The following TRIM5 variants were observed in gnomAD, a reference collection of about 807,000 sequenced individuals.
TRIM5 encodes the protein tripartite motif containing 5.
In TRIM5, 31 loss-of-function variants were observed where a neutral mutation model predicts 35.6. The observed-to-expected ratio is 0.87, with a 90% CI of 0.65 to 1.18. The LOEUF (loss-of-function observed/expected upper bound fraction) is 1.18, where lower values mean the gene tolerates loss of function less well. TRIM5 is among the 50% of genes most tolerant of loss of function. TRIM5 has a pLI of 0.00. For missense variants in TRIM5, 609 were observed against 591.6 expected (o/e 1.03, Z -0.31); for synonymous variants, 243 against 215.6 (o/e 1.13, Z -1.11).
At chr11:5,603,099 C>A in the TRIM5 span, 1 of 1,361,568 alleles carries the variant, frequency 7.3e-7, no homozygotes. Flanking sequence ...TTGTATGAGC[C>A]GGGATAAAGA....
chr11:5,601,527 G>A, the TRIM5 span, among the ~76,000 whole-genome samples: 1 of 152,122 alleles, frequency 6.6e-6, no homozygotes, highest in Non-Finnish European at 1.5e-5. Context: ...GGAGGCCAAG[G>A]CAGGCAGATC....
chr11:5,638,561 T>C, the TRIM5 span, among the ~76,000 whole-genome samples: 2 of 152,174 alleles, frequency 1.3e-5, no homozygotes, highest in Non-Finnish European at 2.9e-5. Context: ...GTGGTGATGA[T>C]GGGGGAATGC....
At chr11:5,603,550 C>A in the TRIM5 span, 1 of 1,614,010 alleles carries the variant, frequency 6.2e-7, no homozygotes, top group Non-Finnish European at 8.5e-7. Flanking sequence ...CATAGTGAGG[C>A]GGCTCAGAGA....
the TRIM5 span, chr11:5,634,756 G>C: frequency 6.2e-7 from 1 of 1,614,028 alleles, no homozygotes; most frequent in African/African-American, 1.3e-5. Context: ...CGCTGGATAA[G>C]TTTGCAGAGG....
At chr11:5,671,617 A>G (rs1390311843) in intron 4 of TRIM5, among the ~76,000 whole-genome samples, 1 of 152,128 alleles carries the variant, frequency 6.6e-6, no homozygotes, top group African/African-American at 2.4e-5. Context: ...CATCAATAAA[A>G]ATTTTCTGAT....
the TRIM5 span, among the ~76,000 whole-genome samples, chr11:5,602,741 G>A: frequency 3.3e-3 from 506 of 151,728 alleles, 2 homozygotes; most frequent in African/African-American, 0.012. Context: ...ATCACTTAAG[G>A]TCAGGAGTTC....
chr11:5,613,073 A>G, the TRIM5 span: 3 of 152,196 alleles, frequency 2.0e-5, no homozygotes, highest in African/African-American at 7.2e-5. Context: ...TCTGTCCCTA[A>G]GTGAGCCCTA....
chr11:5,648,540 A>G, the TRIM5 span, among the ~76,000 whole-genome samples: 3 of 152,042 alleles, frequency 2.0e-5, no homozygotes, highest in Non-Finnish European at 2.9e-5. Context: ...AAAATAAATA[A>G]CAGCTTCTCC....
chr11:5,608,416 G>C, the TRIM5 span: 1 of 1,613,258 alleles, frequency 6.2e-7, no homozygotes. Context: ...GAGAACATGA[G>C]GTAGTTCCCC....
chr11:5,665,621 G>A lies in TRIM5; in HGVS notation c.895+35C>T, dbSNP rs141301043. The A allele has an allele frequency of 8.4e-5, 133 of 1,576,768 alleles. No homozygotes were observed. The African/African-American group carries it at 1.2e-3, about 14-fold the overall frequency. On this transcript the variant is annotated intron_variant, in intron 7 of 7. Transcript: ENST00000380034. ...ATAAAGATAATAATAATGATAAGCCGCAGGGTGGCTTATGATAATGTGACT... is the reference window on the plus strand; with the variant it reads ...ATAAAGATAATAATAATGATAAGCCACAGGGTGGCTTATGATAATGTGACT...
At chr11:5,659,935 C>T (rs1324255791), downstream of TRIM5, among the ~76,000 whole-genome samples, 2 of 152,064 alleles carry the variant, frequency 1.3e-5, no homozygotes, top group East Asian at 1.9e-4. Flanking sequence ...CTCTTCTTTA[C>T]GGGTACTCTA....
chr11:5,605,048 T>C, the TRIM5 span: 3 of 488,670 alleles, frequency 6.1e-6, no homozygotes, highest in East Asian at 7.9e-5. Context: ...AAGAGGAGGC[T>C]GATGCAGAGG....
At chr11:5,611,412 ATCT>A in the TRIM5 span, 2 of 1,249,964 alleles carry the variant, frequency 1.6e-6, no homozygotes, top group Non-Finnish European at 2.3e-6. Flanking sequence ...CTCCCTTCTG[ATCT>A]TCTGTTTTTC....
At chr11:5,603,104 T>TA in the TRIM5 span, 1 of 1,392,384 alleles carries the variant, frequency 7.2e-7, no homozygotes, top group Admixed American at 2.7e-5. Context: ...TGAGCCGGGA[T>TA]AAAGAACGTA....
At chr11:5,610,800 A>G in the TRIM5 span, 8 of 1,614,132 alleles carry the variant, frequency 5.0e-6, no homozygotes, top group Middle Eastern at 1.6e-4. Flanking sequence ...GAATCCACAC[A>G]CAGCTAATTT....
chr11:5,638,369 G>A, the TRIM5 span, among the ~76,000 whole-genome samples: 1 of 152,210 alleles, frequency 6.6e-6, no homozygotes, highest in Admixed American at 6.5e-5. Context: ...TGTGACTAAA[G>A]TAATACCTCT....
the TRIM5 span, chr11:5,632,112 G>A: frequency 2.5e-6 from 3 of 1,193,052 alleles, no homozygotes; most frequent in Admixed American, 2.9e-5. Context: ...AGCTCGCCCA[G>A]ACCACTTTCA....
At chr11:5,605,232 G>T in the TRIM5 span, 1 of 1,474,582 alleles carries the variant, frequency 6.8e-7, no homozygotes, top group African/African-American at 1.4e-5. Flanking sequence ...CTCCCTGGGA[G>T]GCTTGGCCCA....
At chr11:5,605,195 C>T in the TRIM5 span, 1 of 1,117,748 alleles carries the variant, frequency 8.9e-7, no homozygotes, top group Admixed American at 1.9e-5. Context: ...GCTACAAAGG[C>T]TTTCTCCTGC....
Sources: gnomAD v4.1 joint callset for allele counts (sites outside exome capture counted in the v4.1 genomes callset) on GRCh38, gnomAD v4.1.1 for gene constraint, MANE v1.5 for transcripts, NCBI Gene and HGNC (gene_info 2026-07-23, HGNC 2026-07-21) for gene names.